The following RPS6KL1 variants were observed in gnomAD, a reference collection of about 807,000 sequenced individuals.
The protein encoded by RPS6KL1 is ribosomal protein S6 kinase like 1.
A neutral mutation model predicts 57.0 loss-of-function variants in RPS6KL1; 41 were observed. That is an observed-to-expected ratio of 0.72 (90% CI 0.56 to 0.93). The LOEUF is 0.93. Ranked by LOEUF, RPS6KL1 falls within the 40% of genes least tolerant of loss-of-function variation. The probability of loss-of-function intolerance (pLI) is 0.00; values close to 1 mark genes in which losing one functional copy is unlikely to be tolerated. For synonymous variants in RPS6KL1, 287 were observed against 309.7 expected (o/e 0.93, Z 0.77); for missense variants, 697 against 727.7 (o/e 0.96, Z 0.49).
chr14:74,907,410 TTCC>T (rs772623958), intron 11 of RPS6KL1, 22 bp downstream of exon 11: 1 of 1,553,880 alleles, frequency 6.4e-7, no homozygotes, highest in Non-Finnish European at 8.7e-7. Flanking sequence ...AGGCAGCTGC[TTCC>T]TCTGGCCGGG....
rs1304685796 is a variant in RPS6KL1, at chr14:74,922,252, C to T, written c.-295G>A. Reference sequence around the variant, plus strand: ...ACGCATTCAGCACATGGAGGCCACACACGCTGGGCTCAAATGCTGTTCCTC... The same window carrying T: ...ACGCATTCAGCACATGGAGGCCACATACGCTGGGCTCAAATGCTGTTCCTC... On this transcript the variant is annotated 5_prime_UTR_variant, in exon 2 of 12. In the 5' UTR this introduces an upstream ATG that the reference lacks. Coordinates refer to ENST00000557413, the MANE Select transcript of RPS6KL1 (RefSeq NM_031464.5). 8 of 985,936 alleles carry T rather than the reference C, an allele frequency of 8.1e-6. No homozygotes were observed. Among genetic ancestry groups the T allele is most frequent in the African/African-American group, 7.0e-5 (4 of 57,244 alleles). The allele number at this position is 985,936 out of a possible 1,614,324, so 61.1% of individuals were successfully genotyped here. A position where few individuals can be genotyped will look rare whatever the true frequency, so the allele number is the denominator to read the frequency against.
chr14:74,921,369 C>T lies in RPS6KL1; in HGVS notation c.173G>A (p.Arg58Gln), dbSNP rs146920707. Residue 58 changes from arginine to glutamine, a missense_variant, in exon 3 of 12, where the codon CGG becomes CAG. Arg to Gln is a conservative substitution (Grantham distance 43). Transcript: ENST00000557413. ...DYLVDAATQI[R>Q]LALERDVSED... ...ACTAACATCGCGCTCCAGGGCCAGC[C>T]GGATCTGCGTGGCCGCATCCACCAG... 8.5e-5 allele frequency: 137 copies of T among 1,614,142 alleles called. No homozygotes were observed. The African/African-American group carries it at 1.6e-3, about 19-fold the overall frequency.
At chr14:74,908,721 G>T in intron 10 of RPS6KL1, 129 bp downstream of exon 10, 2 of 781,136 alleles carry the variant, frequency 2.6e-6, no homozygotes, top group South Asian at 1.4e-5. Context: ...TGTGTCCCTG[G>T]CTTCGGGGGC....
rs1885442874 is a variant in RPS6KL1 at position 74,909,135 on chromosome 14, G to A, written c.1326C>T (p.Cys442=). 6.8e-6 allele frequency: 11 copies of A among 1,614,046 alleles called. No homozygotes were observed. Among genetic ancestry groups the A allele is most frequent in the South Asian group, 2.2e-5 (2 of 91,086 alleles). The part of the protein sequence containing the change: ...GQWSEVEPQC[C]GEAVDNLYSA... ...TGTAGAGATTGTCCACGGCCTCCCC[G>A]CAGCACTGGGGCTCCACCTCTGACC... Residue 442 remains cysteine, a synonymous_variant, in exon 9 of 12, where the codon TGC becomes TGT. Transcript: ENST00000557413.
chr14:74,911,201 T>A, intron 7 of RPS6KL1, 47 bp downstream of exon 7: 1 of 1,586,902 alleles, frequency 6.3e-7, no homozygotes, highest in Non-Finnish European at 8.6e-7. Context: ...GTTGACGACA[T>A]ACCCCAAAGG....
At chr14:74,909,333 C>T (rs10131976) in intron 8 of RPS6KL1, 143 bp from the exon 9 acceptor site, 92,311 of 994,558 alleles carry the variant, frequency 0.093, 5,361 homozygotes, top group African/African-American at 0.24. Context: ...ACAGCACCCT[C>T]CACAGAGGCA....
At chr14:74,917,232 A>G (rs1016224974) in intron 5 of RPS6KL1, among the ~76,000 whole-genome samples, 3 of 152,218 alleles carry the variant, frequency 2.0e-5, no homozygotes, top group Admixed American at 6.5e-5. Context: ...TCTTTCCCCA[A>G]AATTGTTTTG....
In RPS6KL1 at chr14:74,907,526, A is replaced by C; in HGVS notation, c.1448T>G (p.Leu483Arg). 6.4e-7 allele frequency: 1 copy of C among 1,572,200 alleles called. No homozygotes were observed. Among genetic ancestry groups the C allele is most frequent in the Non-Finnish European group, 8.6e-7 (1 of 1,158,290 alleles). The change falls in exon 11 of 12, where the codon CTG (leucine) becomes CGG (arginine). Residue 483 changes from leucine to arginine, a missense_variant. Coordinates refer to ENST00000557413, the MANE Select transcript of RPS6KL1 (RefSeq NM_031464.5). ...GATTCCTGAAGGGTGGCTCTGGGAC[A>C]GTGCCTGGGAGGACACAGGGAAGGG... ...LLYELLTGMALSQSHPSGIQA... is the reference protein window; with the variant it reads ...LLYELLTGMARSQSHPSGIQA...
intron 2 of RPS6KL1, 150 bp from the exon 3 acceptor site, chr14:74,921,711 A>G (rs1428072755): frequency 7.0e-7 from 1 of 1,429,326 alleles, no homozygotes; most frequent in African/African-American, 1.4e-5. Flanking sequence ...CTTTTCATGG[A>G]TCCAGGTCCT....
In RPS6KL1 at chr14:74,921,402, C is replaced by A; in HGVS notation, c.140G>T (p.Arg47Leu). 6.2e-7 allele frequency: 1 copy of A among 1,614,288 alleles called. No homozygotes were observed. Among genetic ancestry groups the A allele is most frequent in the Non-Finnish European group, 8.5e-7 (1 of 1,180,052 alleles). The change falls in exon 3 of 12, where the codon CGT (arginine) becomes CTT (leucine). Residue 47 changes from arginine (R) to leucine (L), a missense_variant. Arg to Leu is a moderately radical substitution (Grantham distance 102). Coordinates refer to ENST00000557413, the MANE Select transcript of RPS6KL1 (RefSeq NM_031464.5). ...CGTGGCCGCATCCACCAGATAGTCA[C>A]GTTTTGTCATGTCAGGCACTCCCAG... is the stretch of plus-strand genomic sequence containing the variant. ...VALGVPDMTKRDYLVDAATQI... is the reference protein window; with the variant it reads ...VALGVPDMTKLDYLVDAATQI...
At chr14:74,918,451 C>T in intron 5 of RPS6KL1, 62 bp downstream of exon 5, 1 of 1,234,252 alleles carries the variant, frequency 8.1e-7, no homozygotes, top group Non-Finnish European at 1.1e-6. Flanking sequence ...TCTCTCTCCC[C>T]ACCGCCACCC....
intron 5 of RPS6KL1, among the ~76,000 whole-genome samples, chr14:74,913,514 C>T (rs773191023): frequency 6.6e-6 from 1 of 152,118 alleles, no homozygotes; most frequent in African/African-American, 2.4e-5. Context: ...CTAGATCAAG[C>T]CACTGCACTC....
At chr14:74,915,719 AGATCT>A (rs1298769055) in intron 5 of RPS6KL1, among the ~76,000 whole-genome samples, 1 of 152,178 alleles carries the variant, frequency 6.6e-6, no homozygotes, top group Admixed American at 6.5e-5. Flanking sequence ...CAGCGTTTCC[AGATCT>A]GATTTTTTCA....
Position 74,908,916 on chromosome 14 carries a change from G to A in RPS6KL1, c.1377C>T (p.Ser459=), listed in dbSNP as rs35753254. ...ACCAGTCACAGGCTTCCGTCAGCTCGGAAATCCCACCCACCTCTGTGGGAA... is the reference window on the plus strand; with the variant it reads ...ACCAGTCACAGGCTTCCGTCAGCTCAGAAATCCCACCCACCTCTGTGGGAA... ...LYSAPEVGGI[S]ELTEACDWWS... is the part of the protein sequence containing the mutation. Residue 459 remains serine (S), a synonymous_variant, in exon 10 of 12, where the codon TCC becomes TCT. Transcript: ENST00000557413. The A allele has an allele frequency of 3.3e-5, 54 of 1,613,634 alleles. 1 individual carries two copies. In the South Asian group the frequency reaches 3.8e-4, roughly 11 times the overall value.
Position 74,905,295 on chromosome 14 carries a change from A to G in RPS6KL1, c.*1719T>C, listed in dbSNP as rs2140219470. The G allele has an allele frequency of 6.6e-6, 1 of 152,268 alleles. No homozygotes were observed. Among genetic ancestry groups the G allele is most frequent in the East Asian group, 1.9e-4 (1 of 5,168 alleles). The allele number at this position is 152,268 out of a possible 1,614,324, so 9.4% of individuals were successfully genotyped here. ...ACTTAGGGAGAGTAGCAGAAGGAAC[A>G]CTAACTTGCAACTCTGGCTAGGTTG... is the stretch of plus-strand genomic sequence containing the variant. On this transcript the variant is annotated 3_prime_UTR_variant, in exon 12 of 12. Coordinates refer to ENST00000557413, the MANE Select transcript of RPS6KL1 (RefSeq NM_031464.5).
Position 74,908,857 on chromosome 14 carries a change from G to T in RPS6KL1, c.1436C>A (p.Thr479Lys), listed in dbSNP as rs201985029. The T allele has an allele frequency of 1.2e-6, 2 of 1,613,910 alleles. No homozygotes were observed. The highest frequency in any genetic ancestry group is 2.7e-5 in the African/African-American group (2 of 74,894). Residue 479 changes from threonine (T) to lysine (K), a missense_variant, in exon 10 of 12, where the codon ACG becomes AAG. Coordinates refer to ENST00000557413, the MANE Select transcript of RPS6KL1 (RefSeq NM_031464.5). ...SFGSLLYELL[T>K]GMALSQSHPS... Reference sequence around the variant, plus strand: ...CCCAGCCCAGCCACTCACCATTCCCGTCAGCAGTTCATACAGTAGAGACCC... The same window carrying T: ...CCCAGCCCAGCCACTCACCATTCCCTTCAGCAGTTCATACAGTAGAGACCC...
chr14:74,912,414 A>G (rs2140291278), intron 5 of RPS6KL1, among the ~76,000 whole-genome samples: 1 of 152,084 alleles, frequency 6.6e-6, no homozygotes, highest in South Asian at 2.1e-4. Context: ...GACCCCAGAG[A>G]TCAACTGAGA....
At position 74,921,521 on chromosome 14, in the gene RPS6KL1, C is replaced by G. The variant is rs752413821; in HGVS notation, c.21G>C (p.Glu7Asp). The G allele has an allele frequency of 4.3e-6, 7 of 1,613,940 alleles. No individual in the cohort carries two copies. The highest frequency in any genetic ancestry group is 5.9e-6 in the Non-Finnish European group (7 of 1,180,020). Residue 7 changes from glutamate to aspartate, a missense_variant, in exon 3 of 12, where the codon GAG becomes GAC. Glu to Asp is a conservative substitution (Grantham distance 45). Transcript: ENST00000557413. MSLVAC[E>D]CLPSPGLEPE... is the part of the protein sequence containing the mutation. ...GCTCCAGGCCGGGGCTGGGCAGGCA[C>G]TCACAGGCCACCAGGCTCATGGCTG...
rs1037952668 is a variant in RPS6KL1, at chr14:74,911,583, A to C, written c.532-203T>G. 9.2e-6 allele frequency: 6 copies of C among 655,052 alleles called. No individual in the cohort carries two copies. The African/African-American group carries it at 1.4e-4, about 15-fold the overall frequency. The allele number at this position is 655,052 out of a possible 1,614,324, so 40.6% of individuals were successfully genotyped here. A position where few individuals can be genotyped will look rare whatever the true frequency, so the allele number is the denominator to read the frequency against. Reference sequence around the variant, plus strand: ...GCCAAAGAGGGGGCAGTGTGTGTGCATGTGTGTTTGTGTGTATGTGTATGT... The same window carrying C: ...GCCAAAGAGGGGGCAGTGTGTGTGCCTGTGTGTTTGTGTGTATGTGTATGT... On this transcript the variant is annotated intron_variant, in intron 6 of 11. Coordinates refer to ENST00000557413, the MANE Select transcript of RPS6KL1 (RefSeq NM_031464.5).
Sources: allele counts gnomAD v4.1 joint callset (sites outside exome capture counted in the v4.1 genomes callset), GRCh38; gene constraint gnomAD v4.1.1; transcripts MANE v1.5; gene names NCBI Gene and HGNC (gene_info 2026-07-23, HGNC 2026-07-21).